The following CDK4 variants were observed in gnomAD, a reference collection of about 807,000 sequenced individuals.
CDK4 encodes cyclin dependent kinase 4, also known as cyclin-dependent kinase 4.
CDK4 carries 13 observed loss-of-function variants against 36.7 expected under a neutral mutation model. The ratio of observed to expected loss-of-function variants is 0.35; its 90% CI spans 0.23 to 0.56. CDK4 has a LOEUF of 0.56. Ranked by LOEUF, CDK4 falls within the 20% of genes least tolerant of loss-of-function variation. The pLI, the probability that CDK4 is intolerant of heterozygous loss-of-function variation, is 0.85. For missense variants in CDK4, 285 were observed against 387.3 expected (o/e 0.74, Z 2.22); for synonymous variants, 158 against 146.4 (o/e 1.08, Z -0.57).
rs1042240357 is a variant in CDK4 at position 57,748,757 on chromosome 12, G to A, written c.820-140C>T. 6.0e-6 allele frequency: 4 copies of A among 663,538 alleles called. No individual in the cohort carries two copies. The African/African-American group carries it at 7.3e-5, about 12-fold the overall frequency. The allele number at this position is 663,538 out of a possible 1,614,324, so 41.1% of individuals were successfully genotyped here. ...GTCTCGCTCTATCACCCAGGCTGGAGTGCAATGGTATGATCTCAGCTCACT... is the reference window on the plus strand; with the variant it reads ...GTCTCGCTCTATCACCCAGGCTGGAATGCAATGGTATGATCTCAGCTCACT... On this transcript the variant is annotated intron_variant, in intron 7 of 7. Coordinates refer to ENST00000257904, the MANE Select transcript of CDK4 (RefSeq NM_000075.4).
rs2140383851 is a variant in CDK4, at chr12:57,749,468, C to T, written c.669G>A (p.Leu223=). The change falls in exon 6 of 8, where the codon TTG becomes TTA. Residue 223 remains leucine, a synonymous_variant. Coordinates refer to ENST00000257904, the MANE Select transcript of CDK4 (RefSeq NM_000075.4). ...TGGTCACTTACTCAAAGATTTTGCC[C>T]AACTGGTCGGCTTCAGAGTTTCCAC... is the stretch of plus-strand genomic sequence containing the variant. The part of the protein sequence containing the change: ...LFCGNSEADQ[L]GKIFDLIGLP... The T allele has an allele frequency of 2.5e-6, 4 of 1,614,156 alleles. No individual in the cohort carries two copies. Among genetic ancestry groups the T allele is most frequent in the Non-Finnish European group, 3.4e-6 (4 of 1,180,002 alleles).
intron 5 of CDK4, 26 bp from the exon 6 acceptor site, chr12:57,749,530 G>A (rs778225644): frequency 1.4e-5 from 23 of 1,611,370 alleles, no homozygotes; most frequent in Non-Finnish European, 1.9e-5. Context: ...ATATAAGGTA[G>A]CAGTCATTTT....
rs775023215 is a variant in CDK4 at position 57,751,101 on chromosome 12, A to T, written c.355-11T>A. The stretch of plus-strand genomic sequence containing the variant: ...CTGGCGCATCAGATCCTAGTTTCAA[A>T]GGGGAGGTACAGATGCACTGGAAAC... On this transcript the variant is annotated splice_polypyrimidine_tract_variant and intron_variant, in intron 3 of 7. Coordinates refer to ENST00000257904, the MANE Select transcript of CDK4 (RefSeq NM_000075.4). The surrounding 1 kb of genome is among the most constrained non-coding windows in gnomAD (Gnocchi z 4.5). 6.2e-7 allele frequency: 1 copy of T among 1,614,212 alleles called. No homozygotes were observed. The highest frequency in any genetic ancestry group is 8.5e-7 in the Non-Finnish European group (1 of 1,180,036).
At chr12:57,748,899 T>C (rs1215078362) in intron 7 of CDK4, 1 of 547,562 alleles carries the variant, frequency 1.8e-6, no homozygotes, top group Non-Finnish European at 3.3e-6. Flanking sequence ...AGAGACGAGG[T>C]TTCACCATGT....
chr12:57,749,172 T>A lies in CDK4; in HGVS notation c.819+10A>T, dbSNP rs753943406. ...ATTTCTTTCCCTGTGCCCACAGCCA[T>A]CTCCAGTACCAGCAGCAGCTGTGCT... On this transcript the variant is annotated intron_variant, in intron 7 of 7. Coordinates refer to ENST00000257904, the MANE Select transcript of CDK4 (RefSeq NM_000075.4). The A allele has an allele frequency of 1.2e-6, 2 of 1,613,826 alleles. No individual in the cohort carries two copies. The highest frequency in any genetic ancestry group is 2.2e-5 in the South Asian group (2 of 91,082).
chr12:57,749,109 G>A (rs960503482), intron 7 of CDK4, 73 bp downstream of exon 7: 7 of 1,581,020 alleles, frequency 4.4e-6, no homozygotes, highest in Non-Finnish European at 6.1e-6. Context: ...ACAGTGGCCA[G>A]GGCCCTGCAT....
At chr12:57,749,098 C>T (rs1002207037) in intron 7 of CDK4, 84 bp downstream of exon 7, 19 of 1,546,512 alleles carry the variant, frequency 1.2e-5, no homozygotes, top group African/African-American at 2.7e-5. Context: ...TTTCATTAAC[C>T]ACAGTGGCCA....
Position 57,751,442 on chromosome 12 carries a change from AC to A in CDK4, c.218+57del. 6.2e-7 allele frequency: 1 copy of A among 1,607,952 alleles called. No individual in the cohort carries two copies. Among genetic ancestry groups the A allele is most frequent in the Non-Finnish European group, 8.5e-7 (1 of 1,175,002 alleles). ...ACTTCTCTACAGATCATCACACCCCACCTATAGGCTGTCTTTTCCCTTTACT... is the reference window on the plus strand; with the variant it reads ...ACTTCTCTACAGATCATCACACCCCACTATAGGCTGTCTTTTCCCTTTACT... On this transcript the variant is annotated intron_variant, in intron 2 of 7. Coordinates refer to ENST00000257904, the MANE Select transcript of CDK4 (RefSeq NM_000075.4). The surrounding 1 kb of genome is among the most constrained non-coding windows in gnomAD (Gnocchi z 4.5).
chr12:57,751,183 T>C lies in CDK4; in HGVS notation c.354+24A>G, dbSNP rs1239323324. 1 of 1,614,130 alleles carries C rather than the reference T, an allele frequency of 6.2e-7. No individual in the cohort carries two copies. Among genetic ancestry groups the C allele is most frequent in the South Asian group, 1.1e-5 (1 of 91,072 alleles). On this transcript the variant is annotated intron_variant, in intron 3 of 7. Transcript: ENST00000257904. The surrounding 1 kb of genome is among the most constrained non-coding windows in gnomAD (Gnocchi z 4.5). ...TACTACAAAGGTCCCAATCCACCTCTCAATGCCTACCAACCCCACTCACCT... is the reference window on the plus strand; with the variant it reads ...TACTACAAAGGTCCCAATCCACCTCCCAATGCCTACCAACCCCACTCACCT...
At position 57,752,239 on chromosome 12, in the gene CDK4, G is replaced by T; in HGVS notation, c.-84C>A. 1 of 242,174 alleles carries T rather than the reference G, an allele frequency of 4.1e-6. No individual in the cohort carries two copies. Among genetic ancestry groups the T allele is most frequent in the Non-Finnish European group, 8.2e-6 (1 of 122,172 alleles). 15.0% of individuals were successfully genotyped at this position (242,174 alleles called of 1,614,324 possible). A position where few individuals can be genotyped will look rare whatever the true frequency, so the allele number is the denominator to read the frequency against. ...CGGGGCCCCGGAGCCGGTTCCTACG[G>T]CCCCATACACCCGAGCTCGGTCCGG... On this transcript the variant is annotated 5_prime_UTR_variant, in exon 1 of 8. Coordinates refer to ENST00000257904, the MANE Select transcript of CDK4 (RefSeq NM_000075.4).
rs185372223 is a variant in CDK4 at position 57,749,139 on chromosome 12, C to A, written c.819+43G>T. The A allele has an allele frequency of 3.3e-4, 540 of 1,613,170 alleles. 1 individual carries two copies. In the African/African-American group the frequency reaches 6.4e-3, roughly 19 times the overall value. Reference sequence around the variant, plus strand: ...CTGCATACTGCTCTATTTCTTTCCCCAGTCTCTATTTCTTTCCCTGTGCCC... The same window carrying A: ...CTGCATACTGCTCTATTTCTTTCCCAAGTCTCTATTTCTTTCCCTGTGCCC... On this transcript the variant is annotated intron_variant, in intron 7 of 7. Transcript: ENST00000257904.
rs2140387871 is a variant in CDK4, at chr12:57,751,426, C to T, written c.218+74G>A. The stretch of plus-strand genomic sequence containing the variant: ...TTTCCTCAGGGTCCCCACTTCTCTA[C>T]AGATCATCACACCCCACCTATAGGC... On this transcript the variant is annotated intron_variant, in intron 2 of 7. Transcript: ENST00000257904. The surrounding 1 kb of genome is among the most constrained non-coding windows in gnomAD (Gnocchi z 4.5). 2 of 1,609,634 alleles carry T rather than the reference C, an allele frequency of 1.2e-6. No homozygotes were observed. Among genetic ancestry groups the T allele is most frequent in the Non-Finnish European group, 1.7e-6 (2 of 1,176,238 alleles).
intron 5 of CDK4, chr12:57,749,745 T>G (rs919960925): frequency 1.5e-4 from 83 of 557,394 alleles, no homozygotes; most frequent in Non-Finnish European, 1.6e-4. Flanking sequence ...ACGCCTGTAA[T>G]CCTAGCACTT....
At chr12:57,748,843 T>C in intron 7 of CDK4, 1 of 558,422 alleles carries the variant, frequency 1.8e-6, no homozygotes, top group Non-Finnish European at 3.2e-6. Flanking sequence ...GTAGCTGAGA[T>C]TACAGGCGTG....
chr12:57,751,367 T>C lies in CDK4; in HGVS notation c.219-25A>G, dbSNP rs775527172. The C allele has an allele frequency of 1.3e-5, 21 of 1,613,910 alleles. No homozygotes were observed. The highest frequency in any genetic ancestry group is 1.6e-4 in the Middle Eastern group (1 of 6,076). On this transcript the variant is annotated intron_variant, in intron 2 of 7. Transcript: ENST00000257904. This position sits in a 1 kb window ranked among gnomAD's most constrained non-coding sequence, Gnocchi z 4.5. ...CCTGACCAGAGTAAATGCTCACTTT[T>C]CAATCCCCTTTAACCCAACATGGCC...
rs1955182935 is a variant in CDK4, at chr12:57,748,267, A to G, written c.*258T>C. The G allele has an allele frequency of 7.1e-6, 3 of 423,902 alleles. No individual in the cohort carries two copies. Among genetic ancestry groups the G allele is most frequent in the African/African-American group, 5.9e-5 (3 of 50,612 alleles). 26.3% of individuals were successfully genotyped at this position (423,902 alleles called of 1,614,324 possible). On this transcript the variant is annotated 3_prime_UTR_variant, in exon 8 of 8. Transcript: ENST00000257904. ...TATTTCTTTGTTTTGTTTTTCCTGT[A>G]TAAAAAAGGACCCCAAATATAAAGG...
intron 4 of CDK4, 45 bp downstream of exon 4, chr12:57,750,878 C>A (rs2140386155): frequency 6.2e-7 from 1 of 1,611,050 alleles, no homozygotes; most frequent in South Asian, 1.1e-5. Context: ...CAATCACTCT[C>A]CTACTCCCAA....
chr12:57,748,682 A>T lies in CDK4; in HGVS notation c.820-65T>A, dbSNP rs1378736271. On this transcript the variant is annotated intron_variant, in intron 7 of 7. Transcript: ENST00000257904. ...CAGACTTCTGCCCACCCACAACAAT[A>T]CCTGGGATGAGCTTTCTTCTTTTTT... 4 of 1,036,674 alleles carry T rather than the reference A, an allele frequency of 3.9e-6. No homozygotes were observed. In the African/African-American group the frequency reaches 6.3e-5, roughly 16 times the overall value. The allele number at this position is 1,036,674 out of a possible 1,614,324, so 64.2% of individuals were successfully genotyped here. A position where few individuals can be genotyped will look rare whatever the true frequency, so the allele number is the denominator to read the frequency against.
At chr12:57,749,736 C>T (rs1412613917) in intron 5 of CDK4, 12 of 571,680 alleles carry the variant, frequency 2.1e-5, no homozygotes, top group South Asian at 4.0e-5. Flanking sequence ...CAGCGGCTCA[C>T]GCCTGTAATC....
Sources: gnomAD v4.1 joint callset for allele counts on GRCh38, gnomAD v4.1.1 for gene constraint, Gnocchi (gnomAD v3.1) non-coding constraint, MANE v1.5 for transcripts, NCBI Gene and HGNC (gene_info 2026-07-23, HGNC 2026-07-21) for gene names.